The following PACRGL variants were observed in gnomAD, a reference collection of about 807,000 sequenced individuals.
PACRGL encodes PACRG-like protein.
PACRGL carries 38 observed loss-of-function variants against 34.5 expected under a neutral mutation model. The ratio of observed to expected loss-of-function variants is 1.10; its 90% CI spans 0.85 to 1.44. The LOEUF is 1.44. PACRGL is among the 40% of genes most tolerant of loss of function. PACRGL has a pLI of 0.00. For missense variants in PACRGL, 305 were observed against 281.4 expected (o/e 1.08, Z -0.60); for synonymous variants, 128 against 100.1 (o/e 1.28, Z -1.66).
At chr4:20,714,097 G>A (rs1042533903) in intron 7 of PACRGL, among the ~76,000 whole-genome samples, 2 of 152,040 alleles carry the variant, frequency 1.3e-5, no homozygotes, top group African/African-American at 4.8e-5. Flanking sequence ...TGACAGTGGG[G>A]TGTTAAAGTC....
chr4:20,744,348 T>C (rs1227461673), intron 8 of PACRGL, among the ~76,000 whole-genome samples: 2 of 152,200 alleles, frequency 1.3e-5, no homozygotes, highest in African/African-American at 4.8e-5. Flanking sequence ...AGCAAAGACT[T>C]GGTACCAACC....
At position 20,731,656 on chromosome 4, in the gene PACRGL, TGATA is replaced by T. The variant is rs1448372076; in HGVS notation, c.*4320_*4323del. On this transcript the variant is annotated 3_prime_UTR_variant, in exon 9 of 9. Transcript: ENST00000503585. Reference sequence around the variant, plus strand: ...TAGGAATTCTAATGCTGTGGAGATATGATAGATAATATATGAGTGATGCTAAGTT... The same window carrying T: ...TAGGAATTCTAATGCTGTGGAGATATGATAATATATGAGTGATGCTAAGTT... 39 of 985,148 alleles carry T rather than the reference TGATA, an allele frequency of 4.0e-5. No homozygotes were observed. Among genetic ancestry groups the T allele is most frequent in the Non-Finnish European group, 4.5e-5 (37 of 829,814 alleles). The allele number at this position is 985,148 out of a possible 1,614,324, so 61.0% of individuals were successfully genotyped here. A position where few individuals can be genotyped will look rare whatever the true frequency, so the allele number is the denominator to read the frequency against.
At chr4:20,737,618 G>A (rs1749955542) in intron 8 of PACRGL, among the ~76,000 whole-genome samples, 1 of 152,184 alleles carries the variant, frequency 6.6e-6, no homozygotes, top group African/African-American at 2.4e-5. Flanking sequence ...GTGAGTGTGA[G>A]CTGTTTGAGA....
the PACRGL span, among the ~76,000 whole-genome samples, chr4:20,761,738 G>A: frequency 2.0e-5 from 3 of 152,204 alleles, no homozygotes; most frequent in African/African-American, 7.2e-5. Context: ...AAATGAATTT[G>A]TAAACTGACT....
At chr4:20,746,080 A>G (rs1166209073) in intron 8 of PACRGL, among the ~76,000 whole-genome samples, 1 of 152,218 alleles carries the variant, frequency 6.6e-6, no homozygotes, top group Non-Finnish European at 1.5e-5. Flanking sequence ...ATACACATGT[A>G]TATGTATTGC....
intron 8 of PACRGL, among the ~76,000 whole-genome samples, chr4:20,744,618 G>C (rs941494880): frequency 4.6e-5 from 7 of 152,150 alleles, no homozygotes; most frequent in Admixed American, 2.0e-4. Context: ...GGCCTGATGA[G>C]GGGTCAGGGG....
At chr4:20,758,983 A>C in the PACRGL span, 1 of 873,020 alleles carries the variant, frequency 1.1e-6, no homozygotes, top group African/African-American at 1.7e-5. Context: ...TACCATGCAA[A>C]GCTGCACCAA....
At chr4:20,736,761 G>A (rs914533102), downstream of PACRGL, among the ~76,000 whole-genome samples, 1 of 152,100 alleles carries the variant, frequency 6.6e-6, no homozygotes, top group African/African-American at 2.4e-5. Context: ...TATCAAGAAT[G>A]GCCACAGACC....
intron 3 of PACRGL, among the ~76,000 whole-genome samples, 163 bp from the exon 4 acceptor site, chr4:20,707,640 C>T (rs1343777711): frequency 1.3e-5 from 2 of 152,110 alleles, no homozygotes; most frequent in African/African-American, 2.4e-5. Context: ...CAAGTGTGGT[C>T]GTGGTATTCT....
chr4:20,731,890 G>A lies in PACRGL; in HGVS notation c.*4549G>A. On this transcript the variant is annotated 3_prime_UTR_variant, in exon 9 of 9. Transcript: ENST00000503585. ...GGCTTATGCTGCATGTTGTAGAAGTGGTAAACTTAGGCATATGATCTCTAT... is the reference window on the plus strand; with the variant it reads ...GGCTTATGCTGCATGTTGTAGAAGTAGTAAACTTAGGCATATGATCTCTAT... 6.7e-7 allele frequency: 1 copy of A among 1,481,520 alleles called. No individual in the cohort carries two copies. The highest frequency in any genetic ancestry group is 9.0e-7 in the Non-Finnish European group (1 of 1,115,246). 91.8% of individuals were successfully genotyped at this position (1,481,520 alleles called of 1,614,324 possible). A position where few individuals can be genotyped will look rare whatever the true frequency, so the allele number is the denominator to read the frequency against.
Position 20,712,791 on chromosome 4 carries a change from C to T in PACRGL, c.370C>T (p.Leu124=). 6.5e-7 allele frequency: 1 copy of T among 1,544,138 alleles called. No homozygotes were observed. The highest frequency in any genetic ancestry group is 8.8e-7 in the Non-Finnish European group (1 of 1,138,756). ...GTTTCCTCTTGGTCTTTGTCAGGGT[C>T]TGAGAGAGACTAAGCATCCATACAC... ...DPLLITLAEG[L]RETKHPYTFV... The change falls in exon 6 of 9, where the codon CTG becomes TTG. Residue 124 remains leucine, a synonymous_variant. Transcript: ENST00000503585.
chr4:20,748,209 C>A (rs948005860), intron 8 of PACRGL, among the ~76,000 whole-genome samples: 1 of 152,118 alleles, frequency 6.6e-6, no homozygotes, highest in Non-Finnish European at 1.5e-5. Flanking sequence ...CTATCTCCTT[C>A]CCCAACCTTC....
chr4:20,714,490 T>C (rs1578209415), intron 7 of PACRGL, among the ~76,000 whole-genome samples: 1 of 152,164 alleles, frequency 6.6e-6, no homozygotes, highest in Non-Finnish European at 1.5e-5. Context: ...AGCATTTTAG[T>C]CCATTTACAT....
chr4:20,732,115 A>C lies in PACRGL; in HGVS notation c.*4774A>C. ...ATTGTATTTAGACTTATCCCTTAAT[A>C]CCCTCACACCTGGACCAAATGAGCT... is the stretch of plus-strand genomic sequence containing the variant. On this transcript the variant is annotated 3_prime_UTR_variant, in exon 9 of 9. Coordinates refer to ENST00000503585, the MANE Select transcript of PACRGL (RefSeq NM_001258345.3). The C allele has an allele frequency of 7.7e-7, 1 of 1,297,210 alleles. No homozygotes were observed. The highest frequency in any genetic ancestry group is 1.1e-6 in the Non-Finnish European group (1 of 895,896). The allele number at this position is 1,297,210 out of a possible 1,614,324, so 80.4% of individuals were successfully genotyped here.
chr4:20,703,945 G>C (rs1342950000), intron 1 of PACRGL, among the ~76,000 whole-genome samples: 1 of 152,132 alleles, frequency 6.6e-6, no homozygotes, highest in Non-Finnish European at 1.5e-5. Context: ...GGTTAACAAG[G>C]GGTTCATAAT....
At chr4:20,762,573 A>G in the PACRGL span, among the ~76,000 whole-genome samples, 2 of 152,204 alleles carry the variant, frequency 1.3e-5, no homozygotes, top group Non-Finnish European at 2.9e-5. Context: ...TGATCTCTCC[A>G]TAAAAGTGGT....
rs1560288929 is a variant in PACRGL, at chr4:20,704,527, G to A, written c.46G>A (p.Ala16Thr). ...TGGAGGTACACAGTTGAAAAACAGAGCAACAGGTACAGAGCTTTTGTTTTT... is the reference window on the plus strand; with the variant it reads ...TGGAGGTACACAGTTGAAAAACAGAACAACAGGTACAGAGCTTTTGTTTTT... ...GSGGTQLKNR[A>T]TGNYDQRTSS... The change falls in exon 2 of 9, where the codon GCA becomes ACA. Residue 16 changes from alanine (A) to threonine (T), a missense_variant. Coordinates refer to ENST00000503585, the MANE Select transcript of PACRGL (RefSeq NM_001258345.3). 6.2e-7 allele frequency: 1 copy of A among 1,613,942 alleles called. No individual in the cohort carries two copies. The highest frequency in any genetic ancestry group is 8.5e-7 in the Non-Finnish European group (1 of 1,179,964).
chr4:20,702,429 T>A (rs1329699091), intron 1 of PACRGL, among the ~76,000 whole-genome samples: 2 of 152,194 alleles, frequency 1.3e-5, no homozygotes, highest in Admixed American at 6.5e-5. Flanking sequence ...ACAAAACATG[T>A]GGTTTCACTA....
At chr4:20,761,845 A>G in the PACRGL span, among the ~76,000 whole-genome samples, 2 of 152,200 alleles carry the variant, frequency 1.3e-5, no homozygotes, top group South Asian at 4.1e-4. Flanking sequence ...TTCAGGGTGG[A>G]AAGTCTCACC....
Sources: allele counts gnomAD v4.1 joint callset (sites outside exome capture counted in the v4.1 genomes callset), GRCh38; gene constraint gnomAD v4.1.1; transcripts MANE v1.5; gene names NCBI Gene and HGNC (gene_info 2026-07-23, HGNC 2026-07-21).